Variants in DNAJB14 observed in about 807,000 individuals in gnomAD.
DNAJB14 encodes the protein dnaJ homolog subfamily B member 14.
In DNAJB14, 22 loss-of-function variants were observed where a neutral mutation model predicts 48.4. That is an observed-to-expected ratio of 0.45 (90% CI 0.32 to 0.65). DNAJB14 has a LOEUF of 0.65. Among genes scored for constraint, DNAJB14 ranks in the 30% least tolerant of loss-of-function variants. DNAJB14 has a pLI of 0.03. For missense variants in DNAJB14, 319 were observed against 458.8 expected, an observed-to-expected ratio of 0.70 and a Z score of 2.78; for synonymous variants, 142 against 158.7, an observed-to-expected ratio of 0.89 and a Z score of 0.79.
chr4:99,946,414 A>G, intron 1 of DNAJB14, 25 bp downstream of exon 1: 2 of 1,597,378 alleles, frequency 1.3e-6, no homozygotes, highest in Non-Finnish European at 1.7e-6. Context: ...ATTGGGCAGG[A>G]AGAGAAGGGA....
At chr4:99,940,264 G>A (rs1726842000) in intron 1 of DNAJB14, among the ~76,000 whole-genome samples, 1 of 152,058 alleles carries the variant, frequency 6.6e-6, no homozygotes, top group South Asian at 2.1e-4. Flanking sequence ...GCTTTTATTT[G>A]TGTGATTATA....
chr4:99,905,833 C>T (rs1030535358), intron 5 of DNAJB14, 127 bp from the exon 6 acceptor site: 19 of 1,252,982 alleles, frequency 1.5e-5, no homozygotes, highest in African/African-American at 7.6e-5. Context: ...TTCAAATCTG[C>T]GTAACCATGC....
intron 3 of DNAJB14, among the ~76,000 whole-genome samples, chr4:99,921,927 G>A (rs899971058): frequency 4.6e-5 from 7 of 152,076 alleles, no homozygotes; most frequent in Non-Finnish European, 7.4e-5. Flanking sequence ...TGTGTATTTG[G>A]AGGAAATAAA....
chr4:99,911,858 C>T (rs1467807211), intron 3 of DNAJB14, among the ~76,000 whole-genome samples: 3 of 152,040 alleles, frequency 2.0e-5, no homozygotes, highest in African/African-American at 4.8e-5. Context: ...TTTTCATCCT[C>T]GTAATAAGGC....
chr4:99,945,481 C>T (rs1317748354), intron 1 of DNAJB14, among the ~76,000 whole-genome samples: 1 of 152,178 alleles, frequency 6.6e-6, no homozygotes, highest in Non-Finnish European at 1.5e-5. Context: ...GGTTAAAGGC[C>T]TTTTCGAGTC....
intron 3 of DNAJB14, among the ~76,000 whole-genome samples, chr4:99,913,052 C>T (rs903708066): frequency 4.6e-5 from 7 of 152,156 alleles, no homozygotes; most frequent in Non-Finnish European, 1.0e-4. Context: ...TGCAATCTTA[C>T]GGGATTTGCT....
intron 5 of DNAJB14, 53 bp from the exon 6 acceptor site, chr4:99,905,759 T>C: frequency 6.5e-7 from 1 of 1,541,902 alleles, no homozygotes; most frequent in Non-Finnish European, 9.0e-7. Flanking sequence ...TAGTTGTTAA[T>C]AATACAACAG....
intron 2 of DNAJB14, chr4:99,926,864 A>G (rs796070061): frequency 6.6e-6 from 1 of 152,312 alleles, no homozygotes; most frequent in African/African-American, 2.4e-5. Flanking sequence ...AATTCTTGAG[A>G]AGCCAGAAGT....
rs578258297 is a variant in DNAJB14 at position 99,941,808 on chromosome 4, A to G, written c.133+4631T>C. Among the ~76,000 whole-genome samples the G allele has an allele frequency of 2.4e-4, 37 of 152,246 alleles. No homozygotes were observed. The Middle Eastern group carries it at 0.01, about 42-fold the overall frequency. ...ACATCATTATTAAATTAAGATTCAA[A>G]CCCTGAATCAGTATTCTTTCTTCAA... On this transcript the variant is annotated intron_variant, in intron 1 of 7. Transcript: ENST00000442697.
intron 3 of DNAJB14, 58 bp from the exon 4 acceptor site, chr4:99,908,954 C>A: frequency 7.9e-7 from 1 of 1,267,322 alleles, no homozygotes; most frequent in South Asian, 2.0e-5. Flanking sequence ...AAAAGGCTGC[C>A]CCACATAAAA....
chr4:99,898,419 A>C lies in DNAJB14; in HGVS notation c.*2609T>G, dbSNP rs1368291266. On this transcript the variant is annotated 3_prime_UTR_variant, in exon 8 of 8. Transcript: ENST00000442697. Reference sequence around the variant, plus strand: ...TGACATTTTTCATTGCTGAGAATTCAGTTCACATTTAATCAAACTACATTT... The same window carrying C: ...TGACATTTTTCATTGCTGAGAATTCCGTTCACATTTAATCAAACTACATTT... 1.3e-5 allele frequency: 2 copies of C among 152,022 alleles called. No homozygotes were observed. The highest frequency in any genetic ancestry group is 2.9e-5 in the Non-Finnish European group (2 of 67,842). The allele number at this position is 152,022 out of a possible 1,614,324, so 9.4% of individuals were successfully genotyped here. A position where few individuals can be genotyped will look rare whatever the true frequency, so the allele number is the denominator to read the frequency against.
chr4:99,907,483 T>C (rs1182110118), intron 4 of DNAJB14, among the ~76,000 whole-genome samples: 1 of 152,074 alleles, frequency 6.6e-6, no homozygotes. Context: ...AAGACCAGCC[T>C]GGACAACATA....
chr4:99,903,510 T>C (rs1022905485), intron 7 of DNAJB14, among the ~76,000 whole-genome samples: 1 of 152,232 alleles, frequency 6.6e-6, no homozygotes, highest in East Asian at 1.9e-4. Flanking sequence ...CAAATATTTA[T>C]TGATAACAAT....
rs372194205 is a variant in DNAJB14, at chr4:99,944,028, T to C, written c.133+2411A>G. On this transcript the variant is annotated intron_variant, in intron 1 of 7. Transcript: ENST00000442697. The stretch of plus-strand genomic sequence containing the variant: ...ATATCCAGAATAAATAAGGAACTCC[T>C]ACAACTCAACAAAAAAAAAACAAGT... Among the ~76,000 whole-genome samples the C allele has an allele frequency of 2.1e-3, 321 of 151,526 alleles. 16 individuals carry two copies. In the South Asian group the frequency reaches 0.065, roughly 31 times the overall value.
chr4:99,931,130 A>T (rs1726452073), intron 1 of DNAJB14, among the ~76,000 whole-genome samples: 3 of 152,214 alleles, frequency 2.0e-5, no homozygotes. Flanking sequence ...AAAATTTATC[A>T]CTAAAAGATT....
intron 2 of DNAJB14, chr4:99,927,399 G>A (rs767669846): frequency 6.6e-6 from 1 of 152,210 alleles, no homozygotes; most frequent in Non-Finnish European, 1.5e-5. Flanking sequence ...TATTTTATAA[G>A]TTTAGCGAAA....
At chr4:99,903,173 A>G (rs887692958) in intron 7 of DNAJB14, among the ~76,000 whole-genome samples, 2 of 152,156 alleles carry the variant, frequency 1.3e-5, no homozygotes, top group African/African-American at 4.8e-5. Flanking sequence ...GCAGATTCTT[A>G]TATCAATCTT....
intron 3 of DNAJB14, among the ~76,000 whole-genome samples, chr4:99,914,422 C>T (rs1375136736): frequency 1.3e-5 from 2 of 152,082 alleles, no homozygotes; most frequent in Non-Finnish European, 2.9e-5. Flanking sequence ...CATGTTCTTA[C>T]TCATAGGTGG....
intron 2 of DNAJB14, chr4:99,927,463 A>T (rs1238722807): frequency 6.6e-6 from 1 of 152,190 alleles, no homozygotes; most frequent in Non-Finnish European, 1.5e-5. Context: ...TCAAATCCCC[A>T]TAATTAACAG....
Sources: allele counts gnomAD v4.1 joint callset (sites outside exome capture counted in the v4.1 genomes callset), GRCh38; gene constraint gnomAD v4.1.1; transcripts MANE v1.5; gene names NCBI Gene and HGNC (gene_info 2026-07-23, HGNC 2026-07-21).